SECISBP2: variants seen among roughly 807,000 people sequenced by gnomAD.
SECISBP2 encodes SECIS binding protein 2.
In SECISBP2, 96 loss-of-function variants were observed where a neutral mutation model predicts 98.2. That is an observed-to-expected ratio of 0.98 (90% CI 0.83 to 1.16). The LOEUF is 1.16. Ranked by LOEUF, SECISBP2 falls within the 50% of genes most tolerant of loss-of-function variation. The probability of loss-of-function intolerance (pLI) is 0.00; values close to 1 mark genes in which losing one functional copy is unlikely to be tolerated. For synonymous variants in SECISBP2, 407 were observed against 370.2 expected (o/e 1.10, Z -1.14); for missense variants, 1,046 against 1,022.9 (o/e 1.02, Z -0.31).
At chr9:89,338,726 C>T in intron 8 of SECISBP2, 146 bp downstream of exon 8, 1 of 777,994 alleles carries the variant, frequency 1.3e-6, no homozygotes, top group East Asian at 2.7e-5. Context: ...ACAGTAGCCA[C>T]TCTTCTCACC....
chr9:89,334,733 A>G lies in SECISBP2; in HGVS notation c.1089+3A>G. On this transcript the variant is annotated splice_donor_region_variant and intron_variant, in intron 7 of 16. Transcript: ENST00000375807. ...ACATTATTCATCCTACCCAAAAGGT[A>G]CGTGTCACTAGAGACAGAAAGTAGG... 1.9e-6 allele frequency: 3 copies of G among 1,608,304 alleles called. No individual in the cohort carries two copies. The highest frequency in any genetic ancestry group is 2.6e-6 in the Non-Finnish European group (3 of 1,176,472).
downstream of SECISBP2, chr9:89,363,885 G>A: frequency 6.2e-7 from 1 of 1,614,168 alleles, no homozygotes; most frequent in Non-Finnish European, 8.5e-7. Flanking sequence ...GCATGGGTCT[G>A]CACAGGGACA....
chr9:89,355,927 A>G (rs1464754002), intron 14 of SECISBP2, among the ~76,000 whole-genome samples: 1 of 152,224 alleles, frequency 6.6e-6, no homozygotes, highest in East Asian at 1.9e-4. Flanking sequence ...ACACTATGGT[A>G]TCTTTATAGT....
At chr9:89,363,626 C>G, downstream of SECISBP2, 3 of 1,591,506 alleles carry the variant, frequency 1.9e-6, no homozygotes, top group Non-Finnish European at 2.6e-6. Flanking sequence ...CCAATAAAAC[C>G]CAAACCCAGA....
intron 7 of SECISBP2, among the ~76,000 whole-genome samples, chr9:89,337,211 G>C (rs1828895392): frequency 6.6e-6 from 1 of 152,042 alleles, no homozygotes; most frequent in African/African-American, 2.4e-5. Flanking sequence ...CTTAATTATA[G>C]GTCTAAGAAA....
intron 15 of SECISBP2, 94 bp from the exon 16 acceptor site, chr9:89,357,905 C>G: frequency 7.5e-7 from 1 of 1,336,076 alleles, no homozygotes; most frequent in Non-Finnish European, 1.1e-6. Flanking sequence ...CCATGTCACC[C>G]CTGCTTCTCT....
chr9:89,333,323 G>A (rs966100345), intron 6 of SECISBP2, among the ~76,000 whole-genome samples: 6 of 152,174 alleles, frequency 3.9e-5, no homozygotes, highest in Admixed American at 3.3e-4. Flanking sequence ...AAGAGCTCTT[G>A]TTTATTTGGG....
At chr9:89,346,815 T>C (rs1830485191) in intron 10 of SECISBP2, 67 bp from the exon 11 acceptor site, 2 of 1,601,742 alleles carry the variant, frequency 1.2e-6, no homozygotes, top group East Asian at 4.5e-5. Flanking sequence ...CTGGGCGAGC[T>C]GCGATCCAAG....
chr9:89,363,274 C>G (rs74351835), downstream of SECISBP2, among the ~76,000 whole-genome samples: 3,487 of 152,234 alleles, frequency 0.023, 123 homozygotes, highest in African/African-American at 0.079. Flanking sequence ...ATTTCCCCCC[C>G]CAGTGTTGCA....
intron 5 of SECISBP2, chr9:89,329,136 C>CG (rs1198482550): frequency 4.3e-5 from 20 of 461,384 alleles, no homozygotes; most frequent in African/African-American, 9.9e-5. Flanking sequence ...GTTTTTGAAA[C>CG]GGAGTCTCGC....
At chr9:89,342,903 A>G (rs1292770909) in intron 10 of SECISBP2, among the ~76,000 whole-genome samples, 1 of 152,260 alleles carries the variant, frequency 6.6e-6, no homozygotes, top group Non-Finnish European at 1.5e-5. Context: ...AAAAACAGTT[A>G]AAATGGTACA....
chr9:89,348,529 C>CAGCT (rs1263682192), intron 12 of SECISBP2, among the ~76,000 whole-genome samples: 1 of 152,222 alleles, frequency 6.6e-6, no homozygotes, highest in Non-Finnish European at 1.5e-5. Flanking sequence ...GCTAGCTGCA[C>CAGCT]AGCTGCTTAC....
rs1346900927 is a variant in SECISBP2 at position 89,328,829 on chromosome 9, C to G, written c.744C>G (p.Val248=). ...KQPKWGPVHS[V]STDISLLREV... is the part of the protein sequence containing the mutation. Reference sequence around the variant, plus strand: ...CCAAGTGGGGACCTGTCCACTCTGTCTCTACCGACATTTCTCTTCTAAGAG... The same window carrying G: ...CCAAGTGGGGACCTGTCCACTCTGTGTCTACCGACATTTCTCTTCTAAGAG... Residue 248 remains valine, a synonymous_variant, in exon 5 of 17, where the codon GTC becomes GTG. Transcript: ENST00000375807. The G allele has an allele frequency of 6.2e-7, 1 of 1,614,090 alleles. No individual in the cohort carries two copies. The highest frequency in any genetic ancestry group is 8.5e-7 in the Non-Finnish European group (1 of 1,180,012).
At chr9:89,337,838 A>G (rs909900209) in intron 7 of SECISBP2, among the ~76,000 whole-genome samples, 13 of 152,226 alleles carry the variant, frequency 8.5e-5, no homozygotes, top group Non-Finnish European at 1.8e-4. Flanking sequence ...CTGAAGAGAA[A>G]ACCATGGGCA....
chr9:89,343,494 C>A (rs1415308223), intron 10 of SECISBP2, among the ~76,000 whole-genome samples: 3 of 152,090 alleles, frequency 2.0e-5, no homozygotes, highest in Non-Finnish European at 4.4e-5. Context: ...TGATATTCTC[C>A]TTCCTCCCAC....
intron 12 of SECISBP2, 22 bp from the exon 13 acceptor site, chr9:89,349,754 G>T: frequency 6.2e-7 from 1 of 1,613,924 alleles, no homozygotes; most frequent in Non-Finnish European, 8.5e-7. Context: ...GATATCTGAT[G>T]ATGCCTTTTT....
At chr9:89,363,868 G>C (rs45515192), downstream of SECISBP2, 24 of 1,613,930 alleles carry the variant, frequency 1.5e-5, no homozygotes, top group Admixed American at 2.3e-4. Context: ...CCCTGCCATC[G>C]GGCAGTGCAT....
At chr9:89,344,148 C>T (rs1830096443) in intron 10 of SECISBP2, among the ~76,000 whole-genome samples, 1 of 152,160 alleles carries the variant, frequency 6.6e-6, no homozygotes, top group African/African-American at 2.4e-5. Context: ...GTCCTTTGCC[C>T]ACTTTTTAAT....
At chr9:89,357,691 C>A in intron 15 of SECISBP2, 126 bp downstream of exon 15, 1 of 1,171,966 alleles carries the variant, frequency 8.5e-7, no homozygotes, top group Non-Finnish European at 1.3e-6. Flanking sequence ...GAGGAGGAGC[C>A]ACCACTTAGG....
Sources: gnomAD v4.1 joint callset for allele counts (sites outside exome capture counted in the v4.1 genomes callset) on GRCh38, gnomAD v4.1.1 for gene constraint, MANE v1.5 for transcripts, NCBI Gene and HGNC (gene_info 2026-07-23, HGNC 2026-07-21) for gene names.